The following LRRC4C variants were observed in gnomAD, a reference collection of about 807,000 sequenced individuals.
LRRC4C encodes leucine rich repeat containing 4C, also known as leucine-rich repeat-containing protein 4C.
In LRRC4C, 5 loss-of-function variants were observed where a neutral mutation model predicts 33.6. The observed-to-expected ratio is 0.15, with a 90% confidence interval of 0.08 to 0.31. The LOEUF (loss-of-function observed/expected upper bound fraction) is 0.31, where lower values mean the gene tolerates loss of function less well. LRRC4C is among the 10% of genes least tolerant of loss of function. LRRC4C has a pLI of 1.00. For missense variants in LRRC4C, 560 were observed against 796.7 expected, an observed-to-expected ratio of 0.70 and a Z score of 3.58; for synonymous variants, 329 against 302.0, an observed-to-expected ratio of 1.09 and a Z score of -0.93.
intron 3 of LRRC4C, among the ~76,000 whole-genome samples, chr11:40,543,106 A>G (rs1206427896): frequency 1.3e-5 from 2 of 152,130 alleles, no homozygotes; most frequent in Non-Finnish European, 2.9e-5. Flanking sequence ...TGAAAGTATC[A>G]TCTTAATCTC....
intron 3 of LRRC4C, among the ~76,000 whole-genome samples, chr11:40,511,031 G>A (rs1955290261): frequency 6.6e-6 from 1 of 152,114 alleles, no homozygotes; most frequent in Non-Finnish European, 1.5e-5. Flanking sequence ...TCCAGGTTGA[G>A]GAGAAAAATC....
intron 1 of LRRC4C, among the ~76,000 whole-genome samples, chr11:41,025,539 AAC>A (rs1209754680): frequency 6.6e-6 from 1 of 151,686 alleles, no homozygotes; most frequent in African/African-American, 2.4e-5. Context: ...GAAAAAAAAA[AAC>A]TTGCAGAAGA....
chr11:41,455,278 G>A (rs976748891), intron 1 of LRRC4C, among the ~76,000 whole-genome samples: 1 of 152,068 alleles, frequency 6.6e-6, no homozygotes, highest in Non-Finnish European at 1.5e-5. Context: ...TTTGGTGAGT[G>A]CAAACTTGCT....
At chr11:41,427,278 G>C (rs939035595) in intron 1 of LRRC4C, among the ~76,000 whole-genome samples, 15 of 152,000 alleles carry the variant, frequency 9.9e-5, no homozygotes, top group Non-Finnish European at 1.5e-4. Flanking sequence ...TTGTTTGCTG[G>C]TTTATTTTTT....
chr11:40,342,897 T>C (rs1489848507), intron 3 of LRRC4C, among the ~76,000 whole-genome samples: 1 of 152,178 alleles, frequency 6.6e-6, no homozygotes, highest in Non-Finnish European at 1.5e-5. Context: ...TATTCATTCA[T>C]CCATCTTTTA....
rs374441352 is a variant in LRRC4C at position 41,039,629 on chromosome 11, A to G, written c.-495-105906T>C. Among the ~76,000 whole-genome samples the G allele has an allele frequency of 6.6e-5, 10 of 152,340 alleles. 1 individual carries two copies. In the East Asian group the frequency reaches 1.7e-3, roughly 26 times the overall value. The stretch of plus-strand genomic sequence containing the variant: ...GTCGTCACTGTTTAAGAAATTTTGC[A>G]TTTAAACAAACAATATTTTAGGCTT... On this transcript the variant is annotated intron_variant, in intron 1 of 6. Coordinates refer to ENST00000528697, the MANE Select transcript of LRRC4C (RefSeq NM_001258419.2).
intron 1 of LRRC4C, among the ~76,000 whole-genome samples, chr11:40,998,144 T>G (rs1421529846): frequency 6.6e-6 from 1 of 152,100 alleles, no homozygotes; most frequent in Admixed American, 6.6e-5. Context: ...TTATTGTTAC[T>G]GTAAGAAACT....
chr11:41,228,895 T>C (rs1016579178), intron 1 of LRRC4C, among the ~76,000 whole-genome samples: 7 of 152,174 alleles, frequency 4.6e-5, no homozygotes, highest in Admixed American at 4.6e-4. Flanking sequence ...CAGTTCAACA[T>C]TGGAGTCCTT....
chr11:40,333,555 A>G (rs762646697), intron 3 of LRRC4C, among the ~76,000 whole-genome samples: 1 of 151,858 alleles, frequency 6.6e-6, no homozygotes, highest in Non-Finnish European at 1.5e-5. Context: ...CGTCTCTACT[A>G]AAAATACCAA....
intron 1 of LRRC4C, among the ~76,000 whole-genome samples, chr11:41,340,083 C>T (rs190514810): frequency 6.6e-6 from 1 of 152,226 alleles, no homozygotes; most frequent in Admixed American, 6.5e-5. Flanking sequence ...TTTGTATGGG[C>T]TACATTATCT....
At chr11:40,770,102 AT>A (rs1382509697) in intron 2 of LRRC4C, among the ~76,000 whole-genome samples, 3 of 152,206 alleles carry the variant, frequency 2.0e-5, no homozygotes, top group African/African-American at 7.2e-5. Flanking sequence ...TTTGCAAACT[AT>A]CAACATTAGT....
At chr11:40,229,731 T>C (rs370244122) in intron 5 of LRRC4C, among the ~76,000 whole-genome samples, 55 of 152,384 alleles carry the variant, frequency 3.6e-4, no homozygotes, top group African/African-American at 1.3e-3. Flanking sequence ...TTTTGGGACC[T>C]AGATGCTCAC....
intron 1 of LRRC4C, among the ~76,000 whole-genome samples, chr11:41,396,049 T>A (rs1953797689): frequency 6.7e-6 from 1 of 149,912 alleles, no homozygotes; most frequent in African/African-American, 2.4e-5. Flanking sequence ...CTTTTTGCTA[T>A]TTTTTTCGGC....
At chr11:41,295,307 A>G (rs1030415915) in intron 1 of LRRC4C, among the ~76,000 whole-genome samples, 6 of 152,196 alleles carry the variant, frequency 3.9e-5, no homozygotes, top group African/African-American at 1.4e-4. Context: ...TTAGTATCTA[A>G]TGTAGTTTAC....
intron 3 of LRRC4C, among the ~76,000 whole-genome samples, chr11:40,441,923 G>T (rs1951413241): frequency 6.6e-6 from 1 of 152,144 alleles, no homozygotes; most frequent in South Asian, 2.1e-4. Flanking sequence ...AGCACTTTGG[G>T]AGGCCGAGGC....
At chr11:41,319,034 CA>C (rs1364943218) in intron 1 of LRRC4C, among the ~76,000 whole-genome samples, 3 of 152,202 alleles carry the variant, frequency 2.0e-5, no homozygotes, top group African/African-American at 7.2e-5. Context: ...TTTAGAGCCA[CA>C]GAAAGAATAT....
At chr11:40,652,935 T>C (rs1442384072) in intron 2 of LRRC4C, among the ~76,000 whole-genome samples, 2 of 152,190 alleles carry the variant, frequency 1.3e-5, no homozygotes, top group Non-Finnish European at 2.9e-5. Context: ...TTCCCCCTGC[T>C]GTTCTCATGC....
chr11:41,041,537 TAAA>T (rs10539350), intron 1 of LRRC4C, among the ~76,000 whole-genome samples: 21,199 of 152,072 alleles, frequency 0.14, 1,571 homozygotes, highest in Middle Eastern at 0.21. Flanking sequence ...CTAGATTTTA[TAAA>T]GATTATTACA....
At chr11:40,937,603 ATGTGTGTGTGTGTGTGTGTGTG>A (rs35416837) in intron 1 of LRRC4C, among the ~76,000 whole-genome samples, 1 of 135,900 alleles carries the variant, frequency 7.4e-6, no homozygotes, top group Admixed American at 7.3e-5. Context: ...GTGTGTGTAT[ATGTGTGTGTGTGTGTGTGTGTG>A]TGTGTGTGTG....
Sources: gnomAD v4.1 joint callset for allele counts (sites outside exome capture counted in the v4.1 genomes callset) on GRCh38, gnomAD v4.1.1 for gene constraint, MANE v1.5 for transcripts, NCBI Gene and HGNC (gene_info 2026-07-23, HGNC 2026-07-21) for gene names.